RGS8: variants seen among roughly 807,000 people sequenced by gnomAD.
RGS8 encodes regulator of G-protein signaling 8.
In RGS8, 8 loss-of-function variants were observed where a neutral mutation model predicts 21.7. The observed-to-expected ratio is 0.37, with a 90% CI of 0.22 to 0.66. RGS8 has a LOEUF of 0.66. RGS8 is among the 30% of genes least tolerant of loss of function. The pLI is 0.59. For synonymous variants in RGS8, 80 were observed against 83.6 expected, an observed-to-expected ratio of 0.96 and a Z score of 0.24; for missense variants, 157 against 217.9, an observed-to-expected ratio of 0.72 and a Z score of 1.76.
the RGS8 span, among the ~76,000 whole-genome samples, chr1:182,701,385 C>T: frequency 6.6e-6 from 1 of 152,306 alleles, no homozygotes; most frequent in Admixed American, 6.5e-5. Flanking sequence ...GAATTTCAGG[C>T]CAGGTCAAAG....
At chr1:182,662,804 C>A (rs909375876) in intron 5 of RGS8, among the ~76,000 whole-genome samples, 1 of 152,212 alleles carries the variant, frequency 6.6e-6, no homozygotes, top group East Asian at 1.9e-4. Flanking sequence ...TGGACTGTGC[C>A]TTGTTCATCT....
At chr1:182,707,528 C>T in the RGS8 span, among the ~76,000 whole-genome samples, 4 of 152,126 alleles carry the variant, frequency 2.6e-5, no homozygotes, top group Non-Finnish European at 4.4e-5. Flanking sequence ...CTACTATCAC[C>T]GCCACTAGAA....
chr1:182,750,732 A>G, the RGS8 span, among the ~76,000 whole-genome samples: 1 of 151,796 alleles, frequency 6.6e-6, no homozygotes, highest in African/African-American at 2.4e-5. Flanking sequence ...AAAGAAGAAC[A>G]ATTTATAGCC....
the RGS8 span, among the ~76,000 whole-genome samples, chr1:182,739,055 A>G: frequency 6.6e-6 from 1 of 152,338 alleles, no homozygotes; most frequent in South Asian, 2.1e-4. Context: ...GAAATAAAGA[A>G]TCTTATTGGA....
chr1:182,732,280 C>CACACAT, the RGS8 span, among the ~76,000 whole-genome samples: 1 of 151,000 alleles, frequency 6.6e-6, no homozygotes, highest in Non-Finnish European at 1.5e-5. Flanking sequence ...CATACACACA[C>CACACAT]ACACACACAC....
At chr1:182,646,475 G>C in exon 7 of RGS8, 1 of 437,994 alleles carries the variant, frequency 2.3e-6, no homozygotes, top group Non-Finnish European at 4.1e-6. Context: ...ATTATATGAA[G>C]GGCAAGTTGC....
chr1:182,648,019 G>T (rs1326294509), intron 6 of RGS8, 118 bp downstream of exon 7: 10 of 866,824 alleles, frequency 1.2e-5, no homozygotes, highest in East Asian at 5.5e-5. Context: ...CCACCAGAGT[G>T]ATGAGGCTCA....
At chr1:182,691,520 A>G in the RGS8 span, among the ~76,000 whole-genome samples, 5 of 151,438 alleles carry the variant, frequency 3.3e-5, no homozygotes, top group African/African-American at 1.2e-4. Context: ...ATGATCCATC[A>G]CATAAAGAGG....
chr1:182,657,826 C>T (rs1663362169), intron 5 of RGS8, among the ~76,000 whole-genome samples: 1 of 152,180 alleles, frequency 6.6e-6, no homozygotes, highest in African/African-American at 2.4e-5. Context: ...AGGTTAGTGA[C>T]TATTATTCCT....
At chr1:182,720,890 C>CATATATATATGTAT in the RGS8 span, among the ~76,000 whole-genome samples, 3 of 90,586 alleles carry the variant, frequency 3.3e-5, no homozygotes, top group African/African-American at 1.2e-4. Context: ...TATATATATA[C>CATATATATATGTAT]ACATATATAT....
the RGS8 span, among the ~76,000 whole-genome samples, chr1:182,690,421 A>T: frequency 6.6e-6 from 1 of 152,226 alleles, no homozygotes; most frequent in South Asian, 2.1e-4. Flanking sequence ...TTCAAATATC[A>T]GTGATGGAGT....
chr1:182,697,188 TA>T, the RGS8 span, among the ~76,000 whole-genome samples: 1 of 152,364 alleles, frequency 6.6e-6, no homozygotes, highest in East Asian at 1.9e-4. Flanking sequence ...AGTCATGTTA[TA>T]AAGGCATGGA....
upstream of RGS8, among the ~76,000 whole-genome samples, chr1:182,684,838 T>C (rs1248668176): frequency 1.3e-5 from 2 of 152,124 alleles, no homozygotes. The surrounding 1 kb of genome is among the most constrained non-coding windows in gnomAD (Gnocchi z 4.2). Context: ...AGAGATCACC[T>C]GGGACACAAG....
chr1:182,726,184 CAA>C, the RGS8 span, among the ~76,000 whole-genome samples: 10 of 115,070 alleles, frequency 8.7e-5, no homozygotes, highest in East Asian at 2.9e-4. Context: ...ATGCTAATCT[CAA>C]AAAAAAAAAA....
the RGS8 span, among the ~76,000 whole-genome samples, chr1:182,739,234 A>C: frequency 1.3e-5 from 2 of 152,320 alleles, no homozygotes; most frequent in African/African-American, 4.8e-5. Context: ...CTCTAGTGTC[A>C]GTACTTACTC....
chr1:182,723,337 C>T, the RGS8 span, among the ~76,000 whole-genome samples: 3 of 152,146 alleles, frequency 2.0e-5, no homozygotes, highest in Admixed American at 6.5e-5. Flanking sequence ...GCTGGAGAAT[C>T]GGCTTCCAAG....
upstream of RGS8, among the ~76,000 whole-genome samples, chr1:182,688,877 G>A (rs1013649752): frequency 2.0e-5 from 3 of 152,100 alleles, no homozygotes; most frequent in African/African-American, 7.2e-5. Flanking sequence ...CCAAATGAGC[G>A]GGGAAACAGA....
the RGS8 span, among the ~76,000 whole-genome samples, chr1:182,723,657 C>A: frequency 6.6e-6 from 1 of 151,316 alleles, no homozygotes; most frequent in Non-Finnish European, 1.5e-5. Flanking sequence ...TAGGAGGAGA[C>A]TATGCAAGGG....
At chr1:182,719,043 T>A in the RGS8 span, among the ~76,000 whole-genome samples, 1 of 152,286 alleles carries the variant, frequency 6.6e-6, no homozygotes, top group East Asian at 1.9e-4. Flanking sequence ...CCCAACTACC[T>A]CCACAATGAC....
Sources: gnomAD v4.1 joint callset for allele counts (sites outside exome capture counted in the v4.1 genomes callset) on GRCh38, gnomAD v4.1.1 for gene constraint, Gnocchi (gnomAD v3.1) non-coding constraint, MANE v1.5 for transcripts, NCBI Gene and HGNC (gene_info 2026-07-23, HGNC 2026-07-21) for gene names.